Variants in GUCY2C observed in about 807,000 individuals in gnomAD.
The protein encoded by GUCY2C is guanylyl cyclase C.
In GUCY2C, 118 loss-of-function variants were observed where a neutral mutation model predicts 131.1. The observed-to-expected ratio is 0.90, with a 90% confidence interval of 0.78 to 1.05. The LOEUF is 1.05. GUCY2C is among the 50% of genes least tolerant of loss of function. The pLI is 0.00. For synonymous variants in GUCY2C, 452 were observed against 457.8 expected (o/e 0.99, Z 0.16); for missense variants, 1,161 against 1,304.4 (o/e 0.89, Z 1.69).
chr12:14,660,149 A>G (rs944562908), intron 11 of GUCY2C, among the ~76,000 whole-genome samples: 8 of 152,230 alleles, frequency 5.3e-5, no homozygotes, highest in Non-Finnish European at 2.9e-5. Context: ...TTCACATGAG[A>G]AAGTATAATG....
At chr12:14,639,454 T>G (rs958215903) in intron 19 of GUCY2C, among the ~76,000 whole-genome samples, 5 of 152,146 alleles carry the variant, frequency 3.3e-5, no homozygotes, top group African/African-American at 1.2e-4. Context: ...AACCTATGAA[T>G]GCTACCTTAT....
chr12:14,635,005 A>G (rs994496416), intron 19 of GUCY2C, among the ~76,000 whole-genome samples: 1 of 152,260 alleles, frequency 6.6e-6, no homozygotes, highest in African/African-American at 2.4e-5. Context: ...GTAGATTCCA[A>G]TCTAATAATA....
intron 1 of GUCY2C, among the ~76,000 whole-genome samples, chr12:14,695,806 T>C (rs537084868): frequency 4.7e-4 from 71 of 152,142 alleles, no homozygotes; most frequent in Middle Eastern, 3.4e-3. Context: ...AACCGGGCAA[T>C]AAACTGAGTT....
intron 11 of GUCY2C, among the ~76,000 whole-genome samples, chr12:14,660,104 G>C (rs1420763771): frequency 6.6e-6 from 1 of 152,178 alleles, no homozygotes; most frequent in African/African-American, 2.4e-5. Context: ...TCCTTTTCTG[G>C]AGAAAACATC....
chr12:14,686,404 G>T (rs908069130), intron 2 of GUCY2C, among the ~76,000 whole-genome samples, 179 bp from the exon 3 acceptor site: 8 of 152,184 alleles, frequency 5.3e-5, no homozygotes, highest in African/African-American at 1.9e-4. Flanking sequence ...GCATGGAGAG[G>T]TTCGAGAGGG....
rs11056081 is a variant in GUCY2C at position 14,648,828 on chromosome 12, G to A, written c.1710+2579C>T. Among the ~76,000 whole-genome samples, 227 of 152,294 alleles carry A rather than the reference G, an allele frequency of 1.5e-3. 3 individuals carry two copies. The South Asian group carries it at 0.021, about 14-fold the overall frequency. On this transcript the variant is annotated intron_variant, in intron 15 of 26. Transcript: ENST00000261170. ...GAAGTTAACTAATAGTAGTACAGGG[G>A]TGGGACTAGGGAGTCTTTGCATTAA...
intron 19 of GUCY2C, among the ~76,000 whole-genome samples, chr12:14,630,340 G>A (rs58178501): frequency 0.037 from 5,695 of 152,076 alleles, 352 homozygotes; most frequent in African/African-American, 0.13. Flanking sequence ...AGCAGAATAG[G>A]CAGAAACAGC....
intron 1 of GUCY2C, among the ~76,000 whole-genome samples, chr12:14,695,990 G>A (rs1280361081): frequency 3.3e-5 from 5 of 152,210 alleles, no homozygotes; most frequent in South Asian, 4.2e-4. Flanking sequence ...TTTCACTGCC[G>A]TGAACACTTT....
chr12:14,658,565 A>T (rs1170677547), intron 11 of GUCY2C, among the ~76,000 whole-genome samples: 1 of 152,130 alleles, frequency 6.6e-6, no homozygotes, highest in Non-Finnish European at 1.5e-5. Context: ...AATTGTACCT[A>T]CTAGTGAGGC....
chr12:14,644,255 A>G (rs896008413), intron 16 of GUCY2C, among the ~76,000 whole-genome samples: 1 of 152,126 alleles, frequency 6.6e-6, no homozygotes, highest in African/African-American at 2.4e-5. Flanking sequence ...AGGCCGAGCT[A>G]CTCAGGAAGC....
chr12:14,651,154 T>G (rs1565619361), intron 15 of GUCY2C, among the ~76,000 whole-genome samples: 1 of 152,200 alleles, frequency 6.6e-6, no homozygotes, highest in Non-Finnish European at 1.5e-5. Context: ...TTGGAGGTAA[T>G]CACTCATTTT....
At chr12:14,665,409 G>T (rs911285368) in intron 10 of GUCY2C, among the ~76,000 whole-genome samples, 2 of 152,138 alleles carry the variant, frequency 1.3e-5, no homozygotes, top group African/African-American at 4.8e-5. Flanking sequence ...ATGGGGAAGG[G>T]ATAGGTGAGT....
chr12:14,680,517 A>G (rs1948328273), intron 5 of GUCY2C, among the ~76,000 whole-genome samples: 1 of 152,204 alleles, frequency 6.6e-6, no homozygotes, highest in African/African-American at 2.4e-5. Flanking sequence ...ATGGCAATAA[A>G]TGATGATTTG....
rs1347549755 is a variant in GUCY2C, at chr12:14,672,909, G to A, written c.1134C>T (p.Thr378=). ...CCACAGAGGTATACAGAAGCACCAT[G>A]GTACTGTCAACATCCCCCCAGTCAT... ...TLDDWGDVDS[T]MVLLYTSVDT... Residue 378 remains threonine, a synonymous_variant, in exon 9 of 27, where the codon ACC becomes ACT. Transcript: ENST00000261170. 2 of 1,608,148 alleles carry A rather than the reference G, an allele frequency of 1.2e-6. No homozygotes were observed. Among genetic ancestry groups the A allele is most frequent in the African/African-American group, 2.7e-5 (2 of 74,748 alleles).
intron 21 of GUCY2C, among the ~76,000 whole-genome samples, chr12:14,625,111 A>G (rs1455284684): frequency 6.6e-6 from 1 of 152,116 alleles, no homozygotes; most frequent in Non-Finnish European, 1.5e-5. Flanking sequence ...AATGTGTTCC[A>G]ACTCCTTTCC....
chr12:14,657,091 C>T (rs114846331), intron 11 of GUCY2C, among the ~76,000 whole-genome samples: 28 of 152,320 alleles, frequency 1.8e-4, no homozygotes, highest in African/African-American at 6.0e-4. Context: ...TCCTGCTGTG[C>T]GGTTGGTTCC....
At chr12:14,627,342 C>A (rs1947041768) in intron 20 of GUCY2C, among the ~76,000 whole-genome samples, 1 of 152,066 alleles carries the variant, frequency 6.6e-6, no homozygotes, top group Non-Finnish European at 1.5e-5. Context: ...CTGAAAATTG[C>A]TAGGCTTGGA....
intron 1 of GUCY2C, among the ~76,000 whole-genome samples, chr12:14,693,483 T>C (rs1419857322): frequency 6.6e-6 from 1 of 152,202 alleles, no homozygotes; most frequent in African/African-American, 2.4e-5. Flanking sequence ...AAAAAAATAT[T>C]GATCATTTCC....
At chr12:14,623,257 C>A (rs1946930844) in intron 21 of GUCY2C, among the ~76,000 whole-genome samples, 1 of 152,122 alleles carries the variant, frequency 6.6e-6, no homozygotes, top group Non-Finnish European at 1.5e-5. Flanking sequence ...CTTGGATATT[C>A]AGGAAGATGG....
Sources: allele counts gnomAD v4.1 joint callset (sites outside exome capture counted in the v4.1 genomes callset), GRCh38; gene constraint gnomAD v4.1.1; transcripts MANE v1.5; gene names NCBI Gene and HGNC (gene_info 2026-07-23, HGNC 2026-07-21).